The following MECR variants were observed in gnomAD, a reference collection of about 807,000 sequenced individuals.
MECR encodes enoyl-[acyl-carrier-protein] reductase, mitochondrial.
A neutral mutation model predicts 49.1 loss-of-function variants in MECR; 37 were observed. That is an observed-to-expected ratio of 0.75 (90% CI 0.58 to 0.99). The LOEUF (loss-of-function observed/expected upper bound fraction) is 0.99. Ranked by LOEUF, MECR falls within the 50% of genes least tolerant of loss-of-function variation. The probability of loss-of-function intolerance (pLI) is 0.00; values close to 1 mark genes in which losing one functional copy is unlikely to be tolerated. For missense variants in MECR, 470 were observed against 479.6 expected (o/e 0.98, Z 0.19); for synonymous variants, 198 against 191.1 (o/e 1.04, Z -0.30).
intron 3 of MECR, among the ~76,000 whole-genome samples, chr1:29,212,026 T>C (rs1047620962): frequency 6.6e-6 from 1 of 152,238 alleles, no homozygotes; most frequent in African/African-American, 2.4e-5. Context: ...CCCAGCATGC[T>C]GCAGATGCTC....
rs1683271320 is a variant in MECR, at chr1:29,230,888, G to C, written c.19C>G (p.Leu7Val). The C allele has an allele frequency of 6.2e-7, 1 of 1,608,232 alleles. No homozygotes were observed. Among genetic ancestry groups the C allele is most frequent in the Non-Finnish European group, 8.5e-7 (1 of 1,179,406 alleles). ...CGGGCGGGGGTTCGCACCCGCCACA[G>C]GGTACTGCAGACCCACATGCTCGCT... is the stretch of plus-strand genomic sequence containing the variant. MWVCST[L>V]WRVRTPARQW... The change falls in exon 1 of 10, where the codon CTG becomes GTG. Residue 7 changes from leucine (L) to valine (V), a missense_variant. By Grantham distance (32) the Leu-to-Val change is conservative. Transcript: ENST00000263702.
the MECR span, chr1:29,170,943 T>C: frequency 6.6e-6 from 1 of 152,194 alleles, no homozygotes; most frequent in Non-Finnish European, 1.5e-5. Context: ...TGCGTGCAGT[T>C]CAGAAATCTT....
chr1:29,222,826 G>A (rs905233175), intron 1 of MECR, among the ~76,000 whole-genome samples: 11 of 152,230 alleles, frequency 7.2e-5, no homozygotes, highest in African/African-American at 2.4e-4. Flanking sequence ...GGGTGGGGGG[G>A]TCCAGCTGCC....
rs746554300 is a variant in MECR, at chr1:29,216,058, T to C, written c.353A>G (p.Asn118Ser). ...GVAQVVAVGS[N>S]VTGLKPGDWV... is the part of the protein sequence containing the mutation. ...GTCTCCTGGCTTCAGCCCGGTCACA[T>C]TGCTGCCCACCGCTACCACCTGTGC... Residue 118 changes from asparagine (N) to serine (S), a missense_variant, in exon 3 of 10, where the codon AAT becomes AGT. By Grantham distance (46) the Asn-to-Ser change is conservative. Transcript: ENST00000263702. 3 of 1,614,022 alleles carry C rather than the reference T, an allele frequency of 1.9e-6. No individual in the cohort carries two copies. The highest frequency in any genetic ancestry group is 2.5e-6 in the Non-Finnish European group (3 of 1,179,954).
At chr1:29,206,098 A>C (rs1676512493) in intron 4 of MECR, among the ~76,000 whole-genome samples, 1 of 152,246 alleles carries the variant, frequency 6.6e-6, no homozygotes. Context: ...AGCAGCGGAC[A>C]GTCTCTGCAC....
rs531090066 is a variant in MECR, at chr1:29,201,907, G to A, written c.756+36C>T. ...GTCAACTTTCTTCAGGGAGATGTGC[G>A]TGGACTGGAGGGGCAATGTCCCTCT... On this transcript the variant is annotated intron_variant, in intron 6 of 9. Coordinates refer to ENST00000263702, the MANE Select transcript of MECR (RefSeq NM_016011.5). This position sits in a 1 kb window ranked among gnomAD's most constrained non-coding sequence, Gnocchi z 4.3. 2.9e-5 allele frequency: 43 copies of A among 1,505,258 alleles called. No homozygotes were observed. Among genetic ancestry groups the A allele is most frequent in the South Asian group, 5.6e-5 (5 of 88,852 alleles). The allele number at this position is 1,505,258 out of a possible 1,614,324, so 93.2% of individuals were successfully genotyped here. A position where few individuals can be genotyped will look rare whatever the true frequency, so the allele number is the denominator to read the frequency against.
At chr1:29,227,987 G>A (rs1395675509) in intron 1 of MECR, among the ~76,000 whole-genome samples, 1 of 152,052 alleles carries the variant, frequency 6.6e-6, no homozygotes, top group Non-Finnish European at 1.5e-5. Flanking sequence ...GAGTCACCTG[G>A]AGAGCTTTGA....
intron 3 of MECR, 64 bp from the exon 4 acceptor site, chr1:29,206,969 A>C (rs1574351830): frequency 3.8e-5 from 60 of 1,580,774 alleles, no homozygotes; most frequent in Non-Finnish European, 4.9e-5. Context: ...ACCCCAGCTC[A>C]CCCTCCTTGG....
the MECR span, among the ~76,000 whole-genome samples, chr1:29,183,407 C>A: frequency 0.019 from 2,878 of 152,132 alleles, 80 homozygotes; most frequent in Admixed American, 0.063. Context: ...CTCTCTCTCT[C>A]TATATATATC....
At chr1:29,197,036 C>T (rs1674173328) in intron 7 of MECR, among the ~76,000 whole-genome samples, 1 of 152,088 alleles carries the variant, frequency 6.6e-6, no homozygotes, top group African/African-American at 2.4e-5. Context: ...AACCAGATTC[C>T]TAGGTCCAAT....
At chr1:29,196,171 G>C in intron 8 of MECR, 27 bp downstream of exon 8, 1 of 1,613,702 alleles carries the variant, frequency 6.2e-7, no homozygotes, top group Non-Finnish European at 8.5e-7. Context: ...CCGGCTCCAG[G>C]CATGCCTCCC....
chr1:29,216,773 A>G (rs1679508292), intron 1 of MECR, 88 bp from the exon 2 acceptor site: 1 of 1,600,184 alleles, frequency 6.2e-7, no homozygotes, highest in Non-Finnish European at 8.5e-7. Context: ...TAGGTCAGGC[A>G]ACATTTCTGA....
chr1:29,200,726 ATG>A, intron 6 of MECR, 137 bp from the exon 7 acceptor site: 11 of 663,798 alleles, frequency 1.7e-5, no homozygotes, highest in Admixed American at 4.7e-5. Context: ...ACTTATGTAT[ATG>A]TGTGTGTGTT....
chr1:29,181,785 C>A, the MECR span: 1 of 1,532,734 alleles, frequency 6.5e-7, no homozygotes, highest in Non-Finnish European at 8.7e-7. Context: ...GGCCCCGGCC[C>A]CAGCCCCCCT....
rs991456651 is a variant in MECR, at chr1:29,222,689, A to G, written c.177-6004T>C. ...AGCTCTGCCATTTGAGATTCACTGAAGTGGGAGAGAAGGAGAGTGAAGAGG... is the reference window on the plus strand; with the variant it reads ...AGCTCTGCCATTTGAGATTCACTGAGGTGGGAGAGAAGGAGAGTGAAGAGG... On this transcript the variant is annotated intron_variant, in intron 1 of 9. Coordinates refer to ENST00000263702, the MANE Select transcript of MECR (RefSeq NM_016011.5). Among the ~76,000 whole-genome samples, 5 of 152,138 alleles carry G rather than the reference A, an allele frequency of 3.3e-5. No homozygotes were observed. In the East Asian group the frequency reaches 5.8e-4, roughly 18 times the overall value.
At chr1:29,227,226 G>A (rs1007398727) in intron 1 of MECR, among the ~76,000 whole-genome samples, 3 of 152,116 alleles carry the variant, frequency 2.0e-5, no homozygotes, top group African/African-American at 4.8e-5. Context: ...GCCTCCCAAA[G>A]TGCTGGGATT....
chr1:29,195,262 C>T (rs903014393), intron 9 of MECR, among the ~76,000 whole-genome samples: 13 of 152,194 alleles, frequency 8.5e-5, no homozygotes, highest in African/African-American at 2.2e-4. Flanking sequence ...CGCTCGGAAC[C>T]GCTTCAGTGC....
intron 7 of MECR, among the ~76,000 whole-genome samples, chr1:29,196,835 G>A (rs943771449): frequency 2.6e-5 from 4 of 151,558 alleles, no homozygotes; most frequent in African/African-American, 4.9e-5. Flanking sequence ...GAGACCCTGT[G>A]TCTATAAATA....
chr1:29,216,471 TG>T, intron 2 of MECR, 116 bp downstream of exon 2: 1 of 1,082,428 alleles, frequency 9.2e-7, no homozygotes, highest in Non-Finnish European at 1.4e-6. Flanking sequence ...ACGGCTCATC[TG>T]GAGAACAGCT....
Sources: gnomAD v4.1 joint callset for allele counts (sites outside exome capture counted in the v4.1 genomes callset) on GRCh38, gnomAD v4.1.1 for gene constraint, Gnocchi (gnomAD v3.1) non-coding constraint, MANE v1.5 for transcripts, NCBI Gene and HGNC (gene_info 2026-07-23, HGNC 2026-07-21) for gene names.